The following EYA3 variants were observed in gnomAD, a reference collection of about 807,000 sequenced individuals.
EYA3 encodes EYA transcriptional coactivator and phosphatase 3, also known as protein phosphatase EYA3.
In EYA3, 39 loss-of-function variants were observed where a neutral mutation model predicts 80.0. The ratio of observed to expected loss-of-function variants is 0.49; its 90% confidence interval spans 0.38 to 0.64. The LOEUF (loss-of-function observed/expected upper bound fraction) is 0.64, where lower values mean the gene tolerates loss of function less well. Ranked by LOEUF, EYA3 falls within the 30% of genes least tolerant of loss-of-function variation. The pLI is 0.00. For synonymous variants in EYA3, 206 were observed against 232.8 expected, an observed-to-expected ratio of 0.88 and a Z score of 1.05; for missense variants, 523 against 676.1, an observed-to-expected ratio of 0.77 and a Z score of 2.51.
intron 9 of EYA3, 74 bp from the exon 10 acceptor site, chr1:28,011,160 G>A: frequency 6.8e-7 from 1 of 1,480,558 alleles, no homozygotes; most frequent in African/African-American, 1.4e-5. Flanking sequence ...GAGGGTTAGT[G>A]GACTCTCTGC....
chr1:27,972,440 C>T lies in EYA3; in HGVS notation c.*2026G>A, dbSNP rs6699701. ...AGCAAAAACTTACTCCTTAAAATCA[C>T]GAGTTATGAGCGCTTTTCAATGAGT... On this transcript the variant is annotated 3_prime_UTR_variant, in exon 18 of 18. Transcript: ENST00000373871. 0.32 allele frequency: 49,383 copies of T among 151,996 alleles called. 8,139 individuals are homozygous for T. Among genetic ancestry groups the T allele is most frequent in the East Asian group, 0.5 (2,587 of 5,164 alleles). The allele number at this position is 151,996 out of a possible 1,614,324, so 9.4% of individuals were successfully genotyped here.
At chr1:28,070,570 G>A (rs1644986974) in intron 1 of EYA3, among the ~76,000 whole-genome samples, 1 of 151,622 alleles carries the variant, frequency 6.6e-6, no homozygotes, top group South Asian at 2.1e-4. Context: ...TCAAAAAAAA[G>A]AGAAAGAAAT....
intron 6 of EYA3, among the ~76,000 whole-genome samples, chr1:28,033,891 C>T (rs1478960981): frequency 6.6e-6 from 1 of 151,336 alleles, no homozygotes; most frequent in Admixed American, 6.6e-5. Flanking sequence ...AACTCCCGGC[C>T]TCAAGAGATC....
intron 11 of EYA3, among the ~76,000 whole-genome samples, chr1:28,001,810 A>C (rs1403989219): frequency 1.3e-5 from 2 of 148,674 alleles, no homozygotes; most frequent in Non-Finnish European, 3.0e-5. Flanking sequence ...GGCTCACTGC[A>C]ACCTCCACCT....
At chr1:27,982,642 G>C (rs1639386847) in intron 16 of EYA3, among the ~76,000 whole-genome samples, 1 of 151,930 alleles carries the variant, frequency 6.6e-6, no homozygotes, top group Admixed American at 6.6e-5. Flanking sequence ...GTCCAGGCTG[G>C]AGTGCAGTGG....
chr1:28,068,225 G>A (rs926015861), intron 1 of EYA3, among the ~76,000 whole-genome samples: 1 of 151,730 alleles, frequency 6.6e-6, no homozygotes, highest in Admixed American at 6.6e-5. Flanking sequence ...CCAGCTACTT[G>A]GGAGGCTGAG....
intron 1 of EYA3, among the ~76,000 whole-genome samples, chr1:28,068,334 CA>C (rs34643708): frequency 1.5e-3 from 190 of 130,704 alleles, no homozygotes; most frequent in Middle Eastern, 8.4e-3. Flanking sequence ...ACTCCCATCT[CA>C]AAAAAAAAAA....
At chr1:28,078,087 A>C (rs554756070) in intron 1 of EYA3, among the ~76,000 whole-genome samples, 1 of 152,350 alleles carries the variant, frequency 6.6e-6, no homozygotes, top group South Asian at 2.1e-4. Flanking sequence ...GTGTTTGTTA[A>C]AGAAAAATAA....
At chr1:28,038,659 A>G (rs2790720) in intron 5 of EYA3, among the ~76,000 whole-genome samples, 180 bp downstream of exon 5, 5,608 of 152,136 alleles carry the variant, frequency 0.037, 295 homozygotes, top group African/African-American at 0.13. Context: ...GACACCATCT[A>G]CTTTTTAAAA....
chr1:28,071,965 A>C (rs1454027247), intron 1 of EYA3, among the ~76,000 whole-genome samples: 2 of 152,182 alleles, frequency 1.3e-5, no homozygotes, highest in Non-Finnish European at 2.9e-5. Flanking sequence ...CTCTTAATTG[A>C]AACAATTTTC....
In EYA3 at chr1:27,974,367, C is replaced by G. The variant is rs1638838897; in HGVS notation, c.*99G>C. 1.3e-6 allele frequency: 1 copy of G among 794,236 alleles called. No homozygotes were observed. The highest frequency in any genetic ancestry group is 2.3e-5 in the Admixed American group (1 of 42,824). 49.2% of individuals were successfully genotyped at this position (794,236 alleles called of 1,614,324 possible). On this transcript the variant is annotated 3_prime_UTR_variant, in exon 18 of 18. Transcript: ENST00000373871. ...AGAGAGAGAGATAGAGACAGAGACA[C>G]AGAGAGAGACAGACAGAGAAAGTTC... is the stretch of plus-strand genomic sequence containing the variant.
rs1641635032 is a variant in EYA3, at chr1:28,010,737, T to C, written c.909+210A>G. 3 of 521,738 alleles carry C rather than the reference T, an allele frequency of 5.8e-6. No individual in the cohort carries two copies. The South Asian group carries it at 8.0e-5, about 14-fold the overall frequency. 32.3% of individuals were successfully genotyped at this position (521,738 alleles called of 1,614,324 possible). ...AACTCCCTCTGCTTTCTGAATATGA[T>C]GAATTGTTTCTGTTCTCTTCTGGAA... On this transcript the variant is annotated intron_variant, in intron 10 of 17. Coordinates refer to ENST00000373871, the MANE Select transcript of EYA3 (RefSeq NM_001990.4).
intron 6 of EYA3, among the ~76,000 whole-genome samples, chr1:28,033,732 G>GC (rs1643287376): frequency 6.6e-6 from 1 of 150,626 alleles, no homozygotes; most frequent in South Asian, 2.1e-4. Context: ...TCGGCTCACT[G>GC]CAACTTCTGT....
At chr1:28,044,814 C>T (rs1233012466) in intron 3 of EYA3, among the ~76,000 whole-genome samples, 2 of 151,816 alleles carry the variant, frequency 1.3e-5, no homozygotes, top group East Asian at 3.8e-4. Context: ...ACTCGGTCAC[C>T]CAGGCTGGAG....
At position 27,994,349 on chromosome 1, in the gene EYA3, A is replaced by T. The variant is rs370487664; in HGVS notation, c.1143-789T>A. Among the ~76,000 whole-genome samples the T allele has an allele frequency of 1.1e-3, 167 of 152,302 alleles. 1 individual carries two copies. Among genetic ancestry groups the T allele is most frequent in the African/African-American group, 3.7e-3 (154 of 41,578 alleles). On this transcript the variant is annotated intron_variant, in intron 13 of 17. Coordinates refer to ENST00000373871, the MANE Select transcript of EYA3 (RefSeq NM_001990.4). ...ATTCTCCAGCTCCAGTTAAGCTTTC[A>T]GATGATTAGAGCTCTAGCCAACATC...
intron 6 of EYA3, among the ~76,000 whole-genome samples, chr1:28,032,595 A>G (rs773449440): frequency 2.6e-4 from 40 of 152,186 alleles, no homozygotes; most frequent in Admixed American, 1.3e-4. Context: ...GGCATATTTT[A>G]TAACTCCCAC....
At chr1:28,020,560 T>C (rs938488122) in intron 7 of EYA3, among the ~76,000 whole-genome samples, 1 of 151,890 alleles carries the variant, frequency 6.6e-6, no homozygotes, top group African/African-American at 2.4e-5. Context: ...ATAACCACCA[T>C]AGAACCCAAG....
At chr1:28,050,064 T>C (rs1557616885) in intron 2 of EYA3, among the ~76,000 whole-genome samples, 5 of 152,020 alleles carry the variant, frequency 3.3e-5, no homozygotes, top group Admixed American at 2.0e-4. Flanking sequence ...TAACTTATCA[T>C]AGTCTTCATT....
intron 1 of EYA3, among the ~76,000 whole-genome samples, chr1:28,058,385 G>A (rs1037058069): frequency 2.6e-5 from 4 of 152,160 alleles, no homozygotes; most frequent in Non-Finnish European, 5.9e-5. Context: ...GCCACGTGCA[G>A]ATAATAAAAT....
Sources: allele counts gnomAD v4.1 joint callset (sites outside exome capture counted in the v4.1 genomes callset), GRCh38; gene constraint gnomAD v4.1.1; transcripts MANE v1.5; gene names NCBI Gene and HGNC (gene_info 2026-07-23, HGNC 2026-07-21).